Variants in GRIK2 observed in about 807,000 individuals in gnomAD.
GRIK2 encodes the protein glutamate ionotropic receptor kainate type subunit 2.
In GRIK2, 32 loss-of-function variants were observed where a neutral mutation model predicts 100.3. That is an observed-to-expected ratio of 0.32 (90% CI 0.24 to 0.43). GRIK2 has a LOEUF of 0.43. Among genes scored for constraint, GRIK2 ranks in the 20% least tolerant of loss-of-function variants. GRIK2 has a pLI of 1.00. For missense variants in GRIK2, 843 were observed against 1,114.9 expected (o/e 0.76, Z 3.47); for synonymous variants, 417 against 389.4 (o/e 1.07, Z -0.83).
chr6:101,408,898 T>C (rs891431448), intron 2 of GRIK2, among the ~76,000 whole-genome samples: 1 of 152,062 alleles, frequency 6.6e-6, no homozygotes, highest in Non-Finnish European at 1.5e-5. Flanking sequence ...AGCAAAATTC[T>C]GAAAGGAAAT....
intron 2 of GRIK2, among the ~76,000 whole-genome samples, chr6:101,520,045 G>T (rs1774803065): frequency 6.6e-6 from 1 of 152,070 alleles, no homozygotes; most frequent in African/African-American, 2.4e-5. Context: ...GACATAGATT[G>T]TCTCAAAATC....
chr6:101,970,699 T>C (rs556683059), intron 14 of GRIK2, among the ~76,000 whole-genome samples: 6 of 144,386 alleles, frequency 4.2e-5, no homozygotes, highest in African/African-American at 1.8e-4. Flanking sequence ...TATTTACAGA[T>C]GTGAACATCT....
At chr6:101,906,485 G>A (rs1582504640) in intron 12 of GRIK2, among the ~76,000 whole-genome samples, 1 of 151,512 alleles carries the variant, frequency 6.6e-6, no homozygotes, top group Non-Finnish European at 1.5e-5. Flanking sequence ...GAAGTGTGGA[G>A]AAATGCAAAC....
In GRIK2 at chr6:102,038,420, C is replaced by T. The variant is rs78209590; in HGVS notation, c.2311+2854C>T. 5.2e-3 allele frequency among the ~76,000 whole-genome samples: 790 copies of T among 151,424 alleles called. 11 individuals are homozygous for T. Among genetic ancestry groups the T allele is most frequent in the African/African-American group, 0.018 (757 of 41,436 alleles). On this transcript the variant is annotated intron_variant, in intron 15 of 16. Coordinates refer to ENST00000369134, the MANE Select transcript of GRIK2 (RefSeq NM_021956.5). ...GGGTTTGCATCGTCTGGATGAGACT[C>T]ATATATTGCTATCACTCTCTCCTGG... is the stretch of plus-strand genomic sequence containing the variant.
chr6:101,707,482 T>A (rs1773386873), intron 7 of GRIK2, among the ~76,000 whole-genome samples: 1 of 146,360 alleles, frequency 6.8e-6, no homozygotes, highest in Non-Finnish European at 1.5e-5. Flanking sequence ...AATATATAAA[T>A]ATATATATAA....
chr6:101,585,573 T>C (rs906523365), intron 2 of GRIK2, among the ~76,000 whole-genome samples: 10 of 152,072 alleles, frequency 6.6e-5, no homozygotes, highest in Non-Finnish European at 1.5e-4. Flanking sequence ...AGGGTATTCA[T>C]AGAATTGTTT....
intron 14 of GRIK2, among the ~76,000 whole-genome samples, chr6:101,994,643 TC>T (rs1794556163): frequency 6.6e-6 from 1 of 151,836 alleles, no homozygotes; most frequent in African/African-American, 2.4e-5. Flanking sequence ...GCAGGATTTC[TC>T]CCCTAGCAAA....
At position 101,786,329 on chromosome 6, in the gene GRIK2, T is replaced by G. The variant is rs1378516229; in HGVS notation, c.952-13319T>G. Among the ~76,000 whole-genome samples, 4 of 152,054 alleles carry G rather than the reference T, an allele frequency of 2.6e-5. No individual in the cohort carries two copies. The East Asian group carries it at 5.8e-4, about 22-fold the overall frequency. On this transcript the variant is annotated intron_variant, in intron 7 of 16. Coordinates refer to ENST00000369134, the MANE Select transcript of GRIK2 (RefSeq NM_021956.5). Reference sequence around the variant, plus strand: ...TGATTGCTCTGAGTAGGACTTTCAGTACTTTGTTGAATAGGAGTTGTAAAA... The same window carrying G: ...TGATTGCTCTGAGTAGGACTTTCAGGACTTTGTTGAATAGGAGTTGTAAAA...
chr6:101,924,285 C>A (rs892274927), intron 12 of GRIK2, among the ~76,000 whole-genome samples: 1 of 152,008 alleles, frequency 6.6e-6, no homozygotes, highest in Non-Finnish European at 1.5e-5. Context: ...TTCTAGCTTT[C>A]AAATTTTTAT....
At chr6:101,659,692 C>G (rs1427986698) in intron 4 of GRIK2, among the ~76,000 whole-genome samples, 4 of 152,078 alleles carry the variant, frequency 2.6e-5, no homozygotes, top group Admixed American at 1.3e-4. Flanking sequence ...TCAGCATTTG[C>G]TTGTCTGTAA....
At chr6:102,062,334 A>G (rs1281551778) in intron 16 of GRIK2, among the ~76,000 whole-genome samples, 5 of 150,514 alleles carry the variant, frequency 3.3e-5, no homozygotes, top group Non-Finnish European at 7.5e-5. Context: ...GCAAGAATAG[A>G]GTCCAGGTAA....
At position 101,464,497 on chromosome 6, in the gene GRIK2, C is replaced by CTTTT. The variant is rs71028069; in HGVS notation, c.115+65140_115+65143dup. On this transcript the variant is annotated intron_variant, in intron 2 of 16. Coordinates refer to ENST00000369134, the MANE Select transcript of GRIK2 (RefSeq NM_021956.5). ...TAATTTTTACCTTTTCTTTTTCTTT[C>CTTTT]TTTTTTTTTTTTTTTTTTTTTTTTT... Among the ~76,000 whole-genome samples, 41 of 62,028 alleles carry CTTTT rather than the reference C, an allele frequency of 6.6e-4. 1 individual carries two copies. The highest frequency in any genetic ancestry group is 1.0e-3 in the Non-Finnish European group (35 of 33,780). The allele number at this position is 62,028 out of a possible 152,430, so 40.7% of individuals were successfully genotyped here. A position where few individuals can be genotyped will look rare whatever the true frequency, so the allele number is the denominator to read the frequency against.
At chr6:101,589,237 T>C (rs1778529213) in intron 2 of GRIK2, among the ~76,000 whole-genome samples, 1 of 152,164 alleles carries the variant, frequency 6.6e-6, no homozygotes, top group Admixed American at 6.5e-5. Flanking sequence ...TTTTGAAGTA[T>C]GTATACATTG....
intron 7 of GRIK2, among the ~76,000 whole-genome samples, chr6:101,699,844 C>T (rs1335873477): frequency 1.3e-5 from 2 of 151,972 alleles, no homozygotes; most frequent in African/African-American, 4.8e-5. Flanking sequence ...AATCCATTCA[C>T]AATATGAAAA....
At chr6:102,059,341 C>T (rs919702879) in intron 16 of GRIK2, among the ~76,000 whole-genome samples, 4 of 151,270 alleles carry the variant, frequency 2.6e-5, no homozygotes, top group Middle Eastern at 6.8e-3. Flanking sequence ...AGAACCTTTT[C>T]TCATCTGAAT....
chr6:102,043,595 T>A (rs1025882115), intron 15 of GRIK2, among the ~76,000 whole-genome samples: 1 of 151,944 alleles, frequency 6.6e-6, no homozygotes, highest in Admixed American at 6.6e-5. Context: ...ATTTCATTAT[T>A]TTTTAGGGCT....
At chr6:101,827,819 C>T (rs1782436307) in intron 10 of GRIK2, among the ~76,000 whole-genome samples, 1 of 151,906 alleles carries the variant, frequency 6.6e-6, no homozygotes, top group South Asian at 2.1e-4. Context: ...ACTTTAACAG[C>T]TACACGATAG....
chr6:101,425,448 TGA>T (rs1308448676), intron 2 of GRIK2, among the ~76,000 whole-genome samples: 1 of 152,162 alleles, frequency 6.6e-6, no homozygotes, highest in African/African-American at 2.4e-5. Context: ...CATGGAAAAT[TGA>T]GAGAGTAAGA....
At chr6:101,486,768 G>C (rs1388678744) in intron 2 of GRIK2, among the ~76,000 whole-genome samples, 1 of 118,594 alleles carries the variant, frequency 8.4e-6, no homozygotes. Flanking sequence ...ATACTTGCAC[G>C]TGTAAGATTC....
Sources: gnomAD v4.1 joint callset for allele counts (sites outside exome capture counted in the v4.1 genomes callset) on GRCh38, gnomAD v4.1.1 for gene constraint, MANE v1.5 for transcripts, NCBI Gene and HGNC (gene_info 2026-07-23, HGNC 2026-07-21) for gene names.